Variants in QTMAN observed in about 807,000 individuals in gnomAD.
QTMAN encodes the protein queuosine-tRNA mannosyltransferase.
the QTMAN span, among the ~76,000 whole-genome samples, chr2:144,242,109 T>C: frequency 1.3e-5 from 2 of 152,060 alleles, no homozygotes; most frequent in African/African-American, 2.4e-5. Flanking sequence ...CTAGAGAATA[T>C]AGCACAATAG....
At chr2:144,237,586 G>A in the QTMAN span, among the ~76,000 whole-genome samples, 2 of 152,076 alleles carry the variant, frequency 1.3e-5, no homozygotes, top group Non-Finnish European at 2.9e-5. Context: ...CCAAATTCTT[G>A]TCAAGTTCCA....
chr2:144,203,017 C>T, the QTMAN span, among the ~76,000 whole-genome samples: 1 of 152,144 alleles, frequency 6.6e-6, no homozygotes, highest in Non-Finnish European at 1.5e-5. Context: ...AAACTTTGTT[C>T]CCCTTCTAAC....
At chr2:144,049,612 A>G in the QTMAN span, among the ~76,000 whole-genome samples, 1 of 152,174 alleles carries the variant, frequency 6.6e-6, no homozygotes, top group Non-Finnish European at 1.5e-5. Flanking sequence ...CTTTACATAC[A>G]CATTCAACAG....
At chr2:143,977,228 G>A in the QTMAN span, among the ~76,000 whole-genome samples, 1 of 152,170 alleles carries the variant, frequency 6.6e-6, no homozygotes, top group South Asian at 2.1e-4. Context: ...ATGGGCTGGA[G>A]GAGAGGGGGA....
the QTMAN span, among the ~76,000 whole-genome samples, chr2:144,107,767 A>G: frequency 6.6e-6 from 1 of 152,232 alleles, no homozygotes; most frequent in African/African-American, 2.4e-5. Flanking sequence ...GGCCAGCATC[A>G]TCCTGATACC....
chr2:143,974,920 T>C, the QTMAN span, among the ~76,000 whole-genome samples: 5 of 152,152 alleles, frequency 3.3e-5, no homozygotes, highest in South Asian at 1.0e-3. Context: ...CAAGACAACT[T>C]AAGTCTTCAC....
chr2:144,260,182 CTTAT>C, the QTMAN span, among the ~76,000 whole-genome samples: 27 of 152,044 alleles, frequency 1.8e-4, no homozygotes, highest in East Asian at 5.8e-4. Flanking sequence ...AAAAAAATCA[CTTAT>C]TTAATTACTG....
the QTMAN span, among the ~76,000 whole-genome samples, chr2:144,231,272 T>C: frequency 6.6e-6 from 1 of 152,100 alleles, no homozygotes; most frequent in Non-Finnish European, 1.5e-5. Flanking sequence ...AACAAGACAT[T>C]CAAATCATCT....
At chr2:144,325,604 G>A in the QTMAN span, among the ~76,000 whole-genome samples, 1 of 151,762 alleles carries the variant, frequency 6.6e-6, no homozygotes, top group Non-Finnish European at 1.5e-5. Flanking sequence ...TTAATTTCAT[G>A]TACCTCATTT....
At chr2:144,114,616 A>C in the QTMAN span, among the ~76,000 whole-genome samples, 2 of 152,202 alleles carry the variant, frequency 1.3e-5, no homozygotes, top group Non-Finnish European at 2.9e-5. Context: ...TCTCAGGAGA[A>C]ATTTCCCTAT....
At chr2:144,204,870 A>G in the QTMAN span, among the ~76,000 whole-genome samples, 2 of 152,086 alleles carry the variant, frequency 1.3e-5, 1 homozygote, top group African/African-American at 4.8e-5. Flanking sequence ...GGAAACCATC[A>G]TTCTCAGCAA....
chr2:144,327,244 C>G, the QTMAN span, among the ~76,000 whole-genome samples: 2 of 152,152 alleles, frequency 1.3e-5, no homozygotes, highest in African/African-American at 4.8e-5. Context: ...CCCCCATACC[C>G]CACCCCACAC....
the QTMAN span, among the ~76,000 whole-genome samples, chr2:144,082,957 T>C: frequency 6.6e-6 from 1 of 152,152 alleles, no homozygotes; most frequent in Admixed American, 6.6e-5. Flanking sequence ...CAGCTATGTT[T>C]GCCTTTGGTT....
chr2:144,212,893 A>G, the QTMAN span, among the ~76,000 whole-genome samples: 3 of 152,216 alleles, frequency 2.0e-5, no homozygotes, highest in African/African-American at 7.2e-5. Context: ...ATTTGGCAAT[A>G]TAAAATAAGT....
At chr2:143,964,871 G>A in the QTMAN span, among the ~76,000 whole-genome samples, 1 of 152,050 alleles carries the variant, frequency 6.6e-6, no homozygotes, top group Non-Finnish European at 1.5e-5. Flanking sequence ...TAACCTTTCT[G>A]GCTGCCCTAA....
chr2:144,316,939 A>C, the QTMAN span, among the ~76,000 whole-genome samples: 1 of 152,236 alleles, frequency 6.6e-6, no homozygotes, highest in East Asian at 1.9e-4. Context: ...TTTCCTCATA[A>C]GGAAATTGGG....
chr2:143,962,732 G>T, the QTMAN span, among the ~76,000 whole-genome samples: 2 of 152,148 alleles, frequency 1.3e-5, no homozygotes, highest in Non-Finnish European at 2.9e-5. Flanking sequence ...TGTTCACTAT[G>T]GGACAGTAGA....
the QTMAN span, among the ~76,000 whole-genome samples, chr2:144,137,910 T>C: frequency 2.0e-5 from 3 of 152,196 alleles, no homozygotes; most frequent in East Asian, 5.8e-4. Flanking sequence ...TCACTTTACT[T>C]AACCTCGCTG....
chr2:144,257,304 C>G, the QTMAN span, among the ~76,000 whole-genome samples: 4 of 152,024 alleles, frequency 2.6e-5, no homozygotes, highest in East Asian at 7.7e-4. Context: ...AAAGCCCATT[C>G]CAGTAAACTC....
Sources: gnomAD v4.1 joint callset for allele counts (sites outside exome capture counted in the v4.1 genomes callset) on GRCh38, gnomAD v4.1.1 for gene constraint, MANE v1.5 for transcripts, NCBI Gene and HGNC (gene_info 2026-07-23, HGNC 2026-07-21) for gene names.